GNAQ: variants seen among roughly 807,000 people sequenced by gnomAD.
GNAQ encodes G protein subunit alpha q, also known as guanine nucleotide-binding protein G(q) subunit alpha.
GNAQ carries 8 observed loss-of-function variants against 43.9 expected under a neutral mutation model. That is an observed-to-expected ratio of 0.18 (90% CI 0.11 to 0.33). The LOEUF is 0.33. Among genes scored for constraint, GNAQ ranks in the 10% least tolerant of loss-of-function variants. The pLI, the probability that GNAQ is intolerant of heterozygous loss-of-function variation, is 1.00. For missense variants in GNAQ, 158 were observed against 450.8 expected (o/e 0.35, Z 5.88); for synonymous variants, 155 against 170.7 (o/e 0.91, Z 0.71).
At chr9:77,744,440 C>G (rs1034868307) in intron 5 of GNAQ, among the ~76,000 whole-genome samples, 1 of 152,108 alleles carries the variant, frequency 6.6e-6, no homozygotes, top group Non-Finnish European at 1.5e-5. Flanking sequence ...CTTACAAATA[C>G]GCAATGTGAC....
intron 5 of GNAQ, among the ~76,000 whole-genome samples, chr9:77,740,947 G>A (rs1825644825): frequency 1.3e-5 from 2 of 152,176 alleles, no homozygotes; most frequent in Non-Finnish European, 2.9e-5. Flanking sequence ...CCATGTACCA[G>A]GAAAGCACCT....
At chr9:77,762,220 C>T (rs1415222345) in intron 5 of GNAQ, among the ~76,000 whole-genome samples, 8 of 134,166 alleles carry the variant, frequency 6.0e-5, no homozygotes, top group South Asian at 2.4e-4. Flanking sequence ...CCCCTCTGCC[C>T]GGCCAGCCGC....
At chr9:77,956,114 T>G (rs1261694907) in intron 1 of GNAQ, among the ~76,000 whole-genome samples, 1 of 152,234 alleles carries the variant, frequency 6.6e-6, no homozygotes, top group Non-Finnish European at 1.5e-5. Context: ...CTGAGCACTT[T>G]CTATTTACCA....
At chr9:77,886,956 CAAA>C (rs67836669) in intron 2 of GNAQ, among the ~76,000 whole-genome samples, 4 of 137,498 alleles carry the variant, frequency 2.9e-5, no homozygotes, top group Non-Finnish European at 3.1e-5. Flanking sequence ...TAAAGAAATA[CAAA>C]AAAAAAAAAA....
At chr9:77,839,713 C>T (rs1887772) in intron 2 of GNAQ, among the ~76,000 whole-genome samples, 1 of 152,106 alleles carries the variant, frequency 6.6e-6, no homozygotes, top group African/African-American at 2.4e-5. Context: ...TGATCACTAG[C>T]GTGGCTATAC....
At chr9:77,915,154 A>G (rs2118237994) in intron 2 of GNAQ, among the ~76,000 whole-genome samples, 1 of 152,340 alleles carries the variant, frequency 6.6e-6, no homozygotes, top group South Asian at 2.1e-4. Context: ...TTTTAGCAAA[A>G]GTGCTTTAAA....
At chr9:77,803,751 T>C (rs1343435836) in intron 3 of GNAQ, among the ~76,000 whole-genome samples, 1 of 152,232 alleles carries the variant, frequency 6.6e-6, no homozygotes, top group African/African-American at 2.4e-5. Context: ...ATATTTTGGA[T>C]ACAGTCACTT....
chr9:77,975,649 T>G (rs1384812445), intron 1 of GNAQ, among the ~76,000 whole-genome samples: 5 of 151,242 alleles, frequency 3.3e-5, no homozygotes, highest in Admixed American at 1.3e-4. Flanking sequence ...AAGCAATTCT[T>G]CTGCCTCAGC....
chr9:77,887,115 C>T (rs1344115500), intron 2 of GNAQ, among the ~76,000 whole-genome samples: 1 of 151,972 alleles, frequency 6.6e-6, no homozygotes, highest in East Asian at 1.9e-4. Flanking sequence ...CAGAGAGACT[C>T]TGTCTCTAAA....
At chr9:77,956,962 T>C (rs911228063) in intron 1 of GNAQ, among the ~76,000 whole-genome samples, 3 of 152,276 alleles carry the variant, frequency 2.0e-5, no homozygotes, top group African/African-American at 4.8e-5. Context: ...AAAGGGACCA[T>C]GTAAGAATAT....
intron 1 of GNAQ, among the ~76,000 whole-genome samples, chr9:77,926,790 T>C (rs1829078429): frequency 1.3e-5 from 2 of 152,208 alleles, no homozygotes. Flanking sequence ...ACTCTGCCTT[T>C]TCTTATCTCA....
chr9:77,895,450 C>G (rs1290026663), intron 2 of GNAQ, among the ~76,000 whole-genome samples: 3 of 152,132 alleles, frequency 2.0e-5, no homozygotes, highest in South Asian at 2.1e-4. Flanking sequence ...AGGCACTGTA[C>G]TATCCTGCTG....
intron 1 of GNAQ, among the ~76,000 whole-genome samples, chr9:78,021,888 C>A (rs1044682712): frequency 6.6e-6 from 1 of 152,274 alleles, no homozygotes; most frequent in African/African-American, 2.4e-5. Context: ...CCGAGCAGCG[C>A]TGGAACACTG....
At chr9:77,767,675 T>TA (rs897409410) in intron 5 of GNAQ, among the ~76,000 whole-genome samples, 6 of 152,188 alleles carry the variant, frequency 3.9e-5, no homozygotes, top group South Asian at 2.1e-4. Context: ...AAGCCTCTTG[T>TA]AAAAAAACTC....
chr9:77,985,978 G>A (rs1381170455), intron 1 of GNAQ, among the ~76,000 whole-genome samples: 1 of 152,094 alleles, frequency 6.6e-6, no homozygotes, highest in Non-Finnish European at 1.5e-5. Flanking sequence ...TTTCTGGACA[G>A]TTTGACTGTA....
chr9:77,731,296 T>C (rs1825484147), intron 5 of GNAQ, among the ~76,000 whole-genome samples: 1 of 152,114 alleles, frequency 6.6e-6, no homozygotes, highest in African/African-American at 2.4e-5. Flanking sequence ...TGATTAACAA[T>C]TTCCAGACTG....
At chr9:77,982,467 T>C (rs1286711252) in intron 1 of GNAQ, among the ~76,000 whole-genome samples, 1 of 152,172 alleles carries the variant, frequency 6.6e-6, no homozygotes, top group Non-Finnish European at 1.5e-5. Context: ...GGAGAATCTC[T>C]TCTACACCTT....
intron 1 of GNAQ, among the ~76,000 whole-genome samples, chr9:78,018,363 G>A (rs925301420): frequency 6.6e-6 from 1 of 152,042 alleles, no homozygotes; most frequent in African/African-American, 2.4e-5. Context: ...AAAGGAATGT[G>A]CAAAAAGAGC....
chr9:77,805,169 T>A (rs1826808298), intron 3 of GNAQ, among the ~76,000 whole-genome samples: 1 of 152,162 alleles, frequency 6.6e-6, no homozygotes, highest in African/African-American at 2.4e-5. Flanking sequence ...CATAACCTAC[T>A]CTAGTCCCTT....
Sources: gnomAD v4.1 joint callset for allele counts (sites outside exome capture counted in the v4.1 genomes callset) on GRCh38, gnomAD v4.1.1 for gene constraint, MANE v1.5 for transcripts, NCBI Gene and HGNC (gene_info 2026-07-23, HGNC 2026-07-21) for gene names.